Variants in MAMDC2 observed in about 807,000 individuals in gnomAD.
The protein encoded by MAMDC2 is MAM domain containing 2, also known as MAM domain-containing protein 2.
In MAMDC2, 57 loss-of-function variants were observed where a neutral mutation model predicts 89.8. That is an observed-to-expected ratio of 0.63 (90% CI 0.51 to 0.79). The LOEUF is 0.79. Among genes scored for constraint, MAMDC2 ranks in the 30% least tolerant of loss-of-function variants. The pLI, the probability that MAMDC2 is intolerant of heterozygous loss-of-function variation, is 0.00. For missense variants in MAMDC2, 800 were observed against 820.6 expected (o/e 0.97, Z 0.31); for synonymous variants, 313 against 293.4 (o/e 1.07, Z -0.68).
chr9:70,129,830 T>C (rs188190109), intron 6 of MAMDC2, among the ~76,000 whole-genome samples: 1 of 152,236 alleles, frequency 6.6e-6, no homozygotes. Flanking sequence ...AACAGAAATT[T>C]TGTATGTCAT....
intron 12 of MAMDC2, among the ~76,000 whole-genome samples, chr9:70,223,911 A>G (rs1011655934): frequency 2.0e-5 from 3 of 152,202 alleles, no homozygotes; most frequent in African/African-American, 7.2e-5. Context: ...TAGTACTATA[A>G]AATGGTGATC....
chr9:70,108,409 G>C lies in MAMDC2; in HGVS notation c.347G>C (p.Trp116Ser), dbSNP rs1417382793. The change falls in exon 3 of 14, where the codon TGG becomes TCG. Residue 116 changes from tryptophan (W) to serine (S), a missense_variant. Transcript: ENST00000377182. ...GATGAAAGCTTTGATCGCTTGCTTT[G>C]GTCAGCTAAGGAACCTTCAGACAGC... Reference protein sequence around the residue: ...FEDESFDRLLWSAKEPSDSWL... With the variant: ...FEDESFDRLLSSAKEPSDSWL... The C allele has an allele frequency of 6.2e-7, 1 of 1,613,900 alleles. No homozygotes were observed. Among genetic ancestry groups the C allele is most frequent in the African/African-American group, 1.3e-5 (1 of 74,928 alleles).
chr9:70,079,046 A>G (rs1827598004), intron 2 of MAMDC2, among the ~76,000 whole-genome samples: 1 of 152,168 alleles, frequency 6.6e-6, no homozygotes, highest in East Asian at 1.9e-4. Flanking sequence ...CCTCAGGGTT[A>G]GCACAGAGGG....
intron 2 of MAMDC2, among the ~76,000 whole-genome samples, chr9:70,066,658 G>T (rs1247330706): frequency 6.6e-6 from 1 of 152,176 alleles, no homozygotes; most frequent in African/African-American, 2.4e-5. Flanking sequence ...GCCAGGGGTT[G>T]TGCCAGCCAA....
At chr9:70,217,409 C>T in intron 11 of MAMDC2, 1 of 1,320,684 alleles carries the variant, frequency 7.6e-7, no homozygotes, top group Non-Finnish European at 1.1e-6. Flanking sequence ...AAGAAAAGAA[C>T]CCACCCAGCA....
chr9:70,217,414 C>T lies in MAMDC2; in HGVS notation c.1652-923C>T, dbSNP rs1029717899. 4.5e-6 allele frequency: 6 copies of T among 1,320,602 alleles called. No homozygotes were observed. In the African/African-American group the frequency reaches 7.2e-5, roughly 16 times the overall value. The allele number at this position is 1,320,602 out of a possible 1,614,324, so 81.8% of individuals were successfully genotyped here. A position where few individuals can be genotyped will look rare whatever the true frequency, so the allele number is the denominator to read the frequency against. ...AGAAATTCAAAAGAAAAGAACCCAC[C>T]CAGCAGTCAAATTCCAGAGGGCCAT... On this transcript the variant is annotated intron_variant, in intron 11 of 13. Coordinates refer to ENST00000377182, the MANE Select transcript of MAMDC2 (RefSeq NM_153267.5).
chr9:70,198,329 A>ATAATT (rs2033020092), intron 11 of MAMDC2, among the ~76,000 whole-genome samples: 2 of 152,044 alleles, frequency 1.3e-5, no homozygotes, highest in Admixed American at 1.3e-4. Flanking sequence ...TTGAGACTAC[A>ATAATT]GTATTATGAG....
chr9:70,085,777 A>C (rs575303797), intron 2 of MAMDC2: 76 of 152,246 alleles, frequency 5.0e-4, no homozygotes, highest in African/African-American at 1.8e-3. Flanking sequence ...AAAATGATAG[A>C]GATCAGAAGT....
intron 9 of MAMDC2, among the ~76,000 whole-genome samples, chr9:70,149,140 G>C (rs1359753432): frequency 6.7e-6 from 1 of 149,848 alleles, no homozygotes; most frequent in Non-Finnish European, 1.5e-5. Flanking sequence ...GAACCCAGGA[G>C]GTGGATGGAG....
At chr9:70,173,196 T>C (rs983210466) in intron 11 of MAMDC2, among the ~76,000 whole-genome samples, 28 of 152,128 alleles carry the variant, frequency 1.8e-4, no homozygotes, top group African/African-American at 5.3e-4. Context: ...CTCATGGGCC[T>C]TTCAACATTG....
chr9:70,115,065 C>G (rs943385911), intron 5 of MAMDC2, among the ~76,000 whole-genome samples: 1 of 152,118 alleles, frequency 6.6e-6, no homozygotes. Context: ...TCTAAAATGC[C>G]TGGAATGCCA....
intron 5 of MAMDC2, among the ~76,000 whole-genome samples, chr9:70,121,617 TGCA>T (rs1325117135): frequency 2.6e-5 from 4 of 152,004 alleles, no homozygotes; most frequent in Admixed American, 6.6e-5. Flanking sequence ...CTCTGTGGCC[TGCA>T]GGGTATCCAG....
intron 11 of MAMDC2, among the ~76,000 whole-genome samples, chr9:70,202,822 T>C (rs930833895): frequency 6.7e-4 from 101 of 151,698 alleles, no homozygotes; most frequent in African/African-American, 2.3e-3. Context: ...GCCTTCTTTG[T>C]CTCTTGTGAT....
Position 70,097,975 on chromosome 9 carries a change from G to A in MAMDC2, c.149-10236G>A, listed in dbSNP as rs1828071145. Reference sequence around the variant, plus strand: ...TGCACTGAAAAGACATATGCCTTGCGAAACTCCATGGGGAAACCCTTTCTA... The same window carrying A: ...TGCACTGAAAAGACATATGCCTTGCAAAACTCCATGGGGAAACCCTTTCTA... On this transcript the variant is annotated intron_variant, in intron 2 of 13. Transcript: ENST00000377182. 4.6e-5 allele frequency among the ~76,000 whole-genome samples: 7 copies of A among 152,104 alleles called. No individual in the cohort carries two copies. The South Asian group carries it at 1.0e-3, about 23-fold the overall frequency.
At chr9:70,116,355 T>A (rs1007245435) in intron 5 of MAMDC2, among the ~76,000 whole-genome samples, 1 of 152,214 alleles carries the variant, frequency 6.6e-6, no homozygotes, top group African/African-American at 2.4e-5. Context: ...TCCTTCCTCA[T>A]GCCCATCTGA....
rs562025624 is a variant in MAMDC2 at position 70,130,611 on chromosome 9, G to A, written c.901-908G>A. On this transcript the variant is annotated intron_variant, in intron 6 of 13. Transcript: ENST00000377182. ...CAAAACTAAAGGGGTTGAAGTCATT[G>A]GCCCATGTTCTTTCTAACCATTGGA... Among the ~76,000 whole-genome samples the A allele has an allele frequency of 2.6e-5, 4 of 152,250 alleles. No individual in the cohort carries two copies. The South Asian group carries it at 8.3e-4, about 32-fold the overall frequency.
intron 11 of MAMDC2, among the ~76,000 whole-genome samples, chr9:70,211,434 T>G (rs931325409): frequency 2.0e-5 from 3 of 152,226 alleles, no homozygotes; most frequent in African/African-American, 7.2e-5. Flanking sequence ...CTGAAGCTTG[T>G]GCATGCATCA....
chr9:70,225,948 A>T lies in MAMDC2; in HGVS notation c.1997-20A>T. ...TCTATAATAAAAATACTGTTATTGT[A>T]TATTTGTCTTTCCTGACAGAAATGG... On this transcript the variant is annotated intron_variant, in intron 13 of 13. Transcript: ENST00000377182. 5.2e-6 allele frequency: 8 copies of T among 1,530,770 alleles called. No individual in the cohort carries two copies. The highest frequency in any genetic ancestry group is 6.3e-6 in the Non-Finnish European group (7 of 1,116,726). 94.8% of individuals were successfully genotyped at this position (1,530,770 alleles called of 1,614,324 possible).
intron 11 of MAMDC2, among the ~76,000 whole-genome samples, chr9:70,197,782 C>A (rs1350432193): frequency 6.6e-6 from 1 of 152,112 alleles, no homozygotes; most frequent in Non-Finnish European, 1.5e-5. Context: ...CTGACATCAT[C>A]TTCTCCTGAC....
Sources: gnomAD v4.1 joint callset for allele counts (sites outside exome capture counted in the v4.1 genomes callset) on GRCh38, gnomAD v4.1.1 for gene constraint, MANE v1.5 for transcripts, NCBI Gene and HGNC (gene_info 2026-07-23, HGNC 2026-07-21) for gene names.